Variants in EYS observed in about 807,000 individuals in gnomAD.
EYS encodes the protein EGF-like photoreceptor maintenance factor.
In EYS, 250 loss-of-function variants were observed where a neutral mutation model predicts 282.1. The ratio of observed to expected loss-of-function variants is 0.89; its 90% confidence interval spans 0.80 to 0.98. The LOEUF is 0.98. EYS is among the 50% of genes least tolerant of loss of function. The pLI is 0.00. For missense variants in EYS, 4,016 were observed against 3,709.0 expected (o/e 1.08, Z -2.15); for synonymous variants, 1,355 against 1,282.9 (o/e 1.06, Z -1.20).
At position 63,795,443 on chromosome 6, in the gene EYS, C is replaced by T. The variant is rs78360661; in HGVS notation, c.7412-6219G>A. ...AGCAAAGTAGTTGAGACAAGAGTGTCAGGACATTCTAAGCAGTCTCAGATG... is the reference window on the plus strand; with the variant it reads ...AGCAAAGTAGTTGAGACAAGAGTGTTAGGACATTCTAAGCAGTCTCAGATG... On this transcript the variant is annotated intron_variant, in intron 37 of 42. Transcript: ENST00000503581. Among the ~76,000 whole-genome samples the T allele has an allele frequency of 6.2e-3, 951 of 152,278 alleles. 9 individuals are homozygous for T. Among genetic ancestry groups the T allele is most frequent in the African/African-American group, 0.021 (888 of 41,554 alleles).
At chr6:65,526,861 C>T (rs944901795) in intron 2 of EYS, among the ~76,000 whole-genome samples, 2 of 152,012 alleles carry the variant, frequency 1.3e-5, no homozygotes, top group African/African-American at 4.8e-5. Context: ...ATCGAAATAA[C>T]GAGAGGGCAC....
chr6:64,161,240 A>T (rs1394986860), intron 31 of EYS, among the ~76,000 whole-genome samples: 1 of 152,180 alleles, frequency 6.6e-6, no homozygotes, highest in Non-Finnish European at 1.5e-5. Context: ...CTGCTGGGTG[A>T]GGTGACAGAC....
intron 40 of EYS, among the ~76,000 whole-genome samples, chr6:63,764,491 G>A (rs1889096): frequency 0.51 from 77,416 of 151,608 alleles, 21,685 homozygotes; most frequent in African/African-American, 0.74. Flanking sequence ...ATTTTTAAAC[G>A]TGATGCTGTC....
intron 11 of EYS, among the ~76,000 whole-genome samples, chr6:65,329,011 A>C (rs1769702164): frequency 6.6e-6 from 1 of 151,274 alleles, no homozygotes. Flanking sequence ...TTGAAAAGCA[A>C]TGCTAAAAGG....
At position 65,202,641 on chromosome 6, in the gene EYS, G is replaced by C. The variant is rs114927181; in HGVS notation, c.2023+93222C>G. ...GAAAGGTATGGTGATGAGGAAGCTG[G>C]GTACCCCTCCCTTCTTTAGACCTGA... On this transcript the variant is annotated intron_variant, in intron 12 of 42. Transcript: ENST00000503581. Among the ~76,000 whole-genome samples the C allele has an allele frequency of 7.1e-3, 1,077 of 152,192 alleles. 12 individuals are homozygous for C. The highest frequency in any genetic ancestry group is 0.025 in the African/African-American group (1,029 of 41,516).
chr6:64,797,563 C>T (rs1774396249), intron 22 of EYS, among the ~76,000 whole-genome samples: 1 of 151,868 alleles, frequency 6.6e-6, no homozygotes, highest in Non-Finnish European at 1.5e-5. Context: ...TATATCTCAC[C>T]TGATTGACCA....
At chr6:65,105,210 T>A (rs1775001705) in intron 12 of EYS, among the ~76,000 whole-genome samples, 1 of 151,728 alleles carries the variant, frequency 6.6e-6, no homozygotes, top group African/African-American at 2.4e-5. Context: ...CATGCAAAAA[T>A]CAAACAATTT....
At chr6:63,921,922 A>G (rs1764583529) in intron 35 of EYS, among the ~76,000 whole-genome samples, 1 of 152,202 alleles carries the variant, frequency 6.6e-6, no homozygotes, top group Admixed American at 6.5e-5. Context: ...CAATGCATGG[A>G]AAAGGTAGGT....
chr6:64,636,650 G>C (rs558788946), intron 22 of EYS, among the ~76,000 whole-genome samples: 2 of 152,168 alleles, frequency 1.3e-5, no homozygotes, highest in Admixed American at 1.3e-4. Flanking sequence ...AGAGTGAACA[G>C]GCAACCTACA....
chr6:63,781,497 C>T (rs560564069), intron 39 of EYS, among the ~76,000 whole-genome samples: 1,788 of 151,966 alleles, frequency 0.012, 28 homozygotes, highest in African/African-American at 0.041. Context: ...AGGTATTTTA[C>T]TCTCTTTGAA....
At chr6:64,450,137 G>A (rs1775271722) in intron 26 of EYS, among the ~76,000 whole-genome samples, 1 of 151,666 alleles carries the variant, frequency 6.6e-6, no homozygotes, top group Admixed American at 6.6e-5. Flanking sequence ...ACACACATAG[G>A]CTCAAAATAA....
chr6:64,211,091 C>T (rs1404852495), intron 31 of EYS, among the ~76,000 whole-genome samples: 4 of 152,042 alleles, frequency 2.6e-5, no homozygotes, highest in African/African-American at 7.2e-5. Context: ...GTCTTGGGGT[C>T]GTGAATGGCC....
chr6:65,427,767 T>G (rs1262794457), intron 5 of EYS, among the ~76,000 whole-genome samples: 2 of 152,070 alleles, frequency 1.3e-5, no homozygotes, highest in African/African-American at 4.8e-5. Context: ...TTCATACAGA[T>G]TTGAAATAAT....
chr6:64,454,278 A>G (rs1309128672), intron 26 of EYS, among the ~76,000 whole-genome samples: 1 of 152,090 alleles, frequency 6.6e-6, no homozygotes, highest in Non-Finnish European at 1.5e-5. Flanking sequence ...CACAGAGTTA[A>G]TTGGTTTTTT....
At chr6:64,791,641 G>A (rs1187482532) in intron 22 of EYS, among the ~76,000 whole-genome samples, 1 of 151,850 alleles carries the variant, frequency 6.6e-6, no homozygotes, top group African/African-American at 2.4e-5. Flanking sequence ...ATTGTTGGCA[G>A]CAACTACAAC....
chr6:64,807,766 T>A (rs1482009036), intron 22 of EYS, among the ~76,000 whole-genome samples: 3 of 152,184 alleles, frequency 2.0e-5, no homozygotes, highest in African/African-American at 7.2e-5. Context: ...AATGATATGT[T>A]ACTACACACC....
intron 41 of EYS, among the ~76,000 whole-genome samples, chr6:63,732,758 G>A (rs1401587439): frequency 3.9e-5 from 6 of 152,076 alleles, no homozygotes; most frequent in African/African-American, 4.8e-5. Context: ...GTGCCAACAC[G>A]TTCACTAGGT....
intron 5 of EYS, among the ~76,000 whole-genome samples, chr6:65,454,152 C>T (rs1290823791): frequency 6.7e-6 from 1 of 148,780 alleles, no homozygotes; most frequent in African/African-American, 2.5e-5. Flanking sequence ...TAAGTGTTCC[C>T]TTTTCCCCAC....
chr6:65,153,210 G>C (rs958720253), intron 12 of EYS, among the ~76,000 whole-genome samples: 2 of 151,870 alleles, frequency 1.3e-5, no homozygotes, highest in Non-Finnish European at 1.5e-5. Context: ...AGCAGGAGCT[G>C]AGGGTGGCCA....
Sources: allele counts gnomAD v4.1 joint callset (sites outside exome capture counted in the v4.1 genomes callset), GRCh38; gene constraint gnomAD v4.1.1; transcripts MANE v1.5; gene names NCBI Gene and HGNC (gene_info 2026-07-23, HGNC 2026-07-21).